Variants in NADK2 observed in about 807,000 individuals in gnomAD.
The protein encoded by NADK2 is NAD kinase domain-containing protein 1, mitochondrial.
A neutral mutation model predicts 62.1 loss-of-function variants in NADK2; 35 were observed. The observed-to-expected ratio is 0.56, with a 90% confidence interval of 0.43 to 0.75. The LOEUF (loss-of-function observed/expected upper bound fraction) is 0.75, where lower values mean the gene tolerates loss of function less well. NADK2 is among the 30% of genes least tolerant of loss of function. The pLI is 0.00. For synonymous variants in NADK2, 205 were observed against 207.9 expected (o/e 0.99, Z 0.12); for missense variants, 439 against 561.3 (o/e 0.78, Z 2.20).
chr5:36,237,247 A>G (rs1357897674), intron 1 of NADK2, among the ~76,000 whole-genome samples: 1 of 152,198 alleles, frequency 6.6e-6, no homozygotes, highest in African/African-American at 2.4e-5. Flanking sequence ...ATAGCAGAAG[A>G]TAAATTAGGA....
chr5:36,194,861 C>T lies in NADK2; in HGVS notation c.*283G>A. ...TATTTAGTCCTTTATTTAAGCCTGCCCCTCTAAATTTAAAAAGGTATCAGC... is the reference window on the plus strand; with the variant it reads ...TATTTAGTCCTTTATTTAAGCCTGCTCCTCTAAATTTAAAAAGGTATCAGC... On this transcript the variant is annotated 3_prime_UTR_variant, in exon 12 of 12. Transcript: ENST00000381937. The T allele has an allele frequency of 3.7e-6, 1 of 272,116 alleles. No homozygotes were observed. Among genetic ancestry groups the T allele is most frequent in the Non-Finnish European group, 6.8e-6 (1 of 146,478 alleles). The allele number at this position is 272,116 out of a possible 1,614,324, so 16.9% of individuals were successfully genotyped here.
intron 1 of NADK2, among the ~76,000 whole-genome samples, chr5:36,237,752 A>G (rs1747961201): frequency 6.6e-6 from 1 of 152,236 alleles, no homozygotes; most frequent in Non-Finnish European, 1.5e-5. Context: ...TGAGCCCACA[A>G]CTGTGTTTCT....
rs1291582790 is a variant in NADK2, at chr5:36,241,485, G to T, written c.300+14C>A. 2.0e-6 allele frequency: 3 copies of T among 1,527,452 alleles called. No individual in the cohort carries two copies. Among genetic ancestry groups the T allele is most frequent in the Non-Finnish European group, 2.6e-6 (3 of 1,144,896 alleles). 94.6% of individuals were successfully genotyped at this position (1,527,452 alleles called of 1,614,324 possible). ...CCGAGCCCGGGAGCGAAGCGGGGCCGAGCCAGGACCCACCAGCTGCTTCAG... is the reference window on the plus strand; with the variant it reads ...CCGAGCCCGGGAGCGAAGCGGGGCCTAGCCAGGACCCACCAGCTGCTTCAG... On this transcript the variant is annotated intron_variant, in intron 1 of 11. Transcript: ENST00000381937. This position sits in a 1 kb window ranked among gnomAD's most constrained non-coding sequence, Gnocchi z 4.9.
Position 36,195,054 on chromosome 5 carries a change from T to A in NADK2, c.*90A>T. 1.4e-6 allele frequency: 2 copies of A among 1,437,764 alleles called. No individual in the cohort carries two copies. The allele number at this position is 1,437,764 out of a possible 1,614,324, so 89.1% of individuals were successfully genotyped here. On this transcript the variant is annotated 3_prime_UTR_variant, in exon 12 of 12. Coordinates refer to ENST00000381937, the MANE Select transcript of NADK2 (RefSeq NM_001085411.3). ...GCCCACGGGCAAGCAGTCTCAACAA[T>A]AACCAAAAAATGTCACTTTACGACT...
At chr5:36,210,058 C>T (rs140508982) in intron 7 of NADK2, among the ~76,000 whole-genome samples, 2 of 152,228 alleles carry the variant, frequency 1.3e-5, no homozygotes, top group African/African-American at 4.8e-5. Context: ...TGACTTCCAG[C>T]AAACAAAATT....
Position 36,241,746 on chromosome 5 carries a change from C to G in NADK2, c.53G>C (p.Gly18Ala), listed in dbSNP as rs1455850074. 1.5e-6 allele frequency: 2 copies of G among 1,301,348 alleles called. No individual in the cohort carries two copies. The highest frequency in any genetic ancestry group is 3.2e-5 in the Admixed American group (1 of 30,882). The allele number at this position is 1,301,348 out of a possible 1,614,324, so 80.6% of individuals were successfully genotyped here. The change falls in exon 1 of 12, where the codon GGC becomes GCC. Residue 18 changes from glycine to alanine, a missense_variant. Coordinates refer to ENST00000381937, the MANE Select transcript of NADK2 (RefSeq NM_001085411.3). The surrounding 1 kb of genome is among the most constrained non-coding windows in gnomAD (Gnocchi z 4.9). ...CGGTCCCCGCAGCGCCGCCGCCCGGCCGCCCGCCACGCGACAACAGCTGCC... is the reference window on the plus strand; with the variant it reads ...CGGTCCCCGCAGCGCCGCCGCCCGGGCGCCCGCCACGCGACAACAGCTGCC... ...LLGSCCRVAG[G>A]RAAALRGPGA...
chr5:36,206,297 A>AT (rs11440963), intron 8 of NADK2, among the ~76,000 whole-genome samples: 132,908 of 148,468 alleles, frequency 0.9, 60,167 homozygotes, highest in Non-Finnish European at 0.96. Context: ...TATAATAATA[A>AT]TTTTTTTTAA....
intron 1 of NADK2, among the ~76,000 whole-genome samples, chr5:36,229,897 G>A (rs555762160): frequency 6.6e-6 from 1 of 150,992 alleles, no homozygotes; most frequent in African/African-American, 2.4e-5. Context: ...TATGGCTTAA[G>A]CCAACAGTCT....
intron 8 of NADK2, among the ~76,000 whole-genome samples, chr5:36,206,750 C>A (rs76819557): frequency 6.6e-6 from 1 of 151,800 alleles, no homozygotes; most frequent in Non-Finnish European, 1.5e-5. Flanking sequence ...AAGAAGTAGA[C>A]GAGATTACCC....
At position 36,224,568 on chromosome 5, in the gene NADK2, A is replaced by AG. The variant is rs200801138; in HGVS notation, c.560+973_560+974insC. Among the ~76,000 whole-genome samples, 1,730 of 151,886 alleles carry AG rather than the reference A, an allele frequency of 0.011. 148 individuals carry two copies. The East Asian group carries it at 0.2, about 18-fold the overall frequency. On this transcript the variant is annotated intron_variant, in intron 4 of 11. Coordinates refer to ENST00000381937, the MANE Select transcript of NADK2 (RefSeq NM_001085411.3). ...CAAGACTCTGTCTCAAAAAAAAAAAAAAAGAAAGAAAGAAAGCAAGAAAGA... is the reference window on the plus strand; with the variant it reads ...CAAGACTCTGTCTCAAAAAAAAAAAAGAAAGAAAGAAAGAAAGCAAGAAAGA...
intron 1 of NADK2, among the ~76,000 whole-genome samples, chr5:36,237,890 G>A (rs1429433494): frequency 6.6e-6 from 1 of 152,166 alleles, no homozygotes; most frequent in Non-Finnish European, 1.5e-5. Context: ...CTGAGTCAGA[G>A]TCTTGCGGGG....
At chr5:36,202,202 A>G (rs1351229300) in intron 8 of NADK2, among the ~76,000 whole-genome samples, 1 of 152,068 alleles carries the variant, frequency 6.6e-6, no homozygotes. Flanking sequence ...CACCATTCTA[A>G]GAGTTCTCAT....
At chr5:36,234,398 GA>G (rs1438748024) in intron 1 of NADK2, among the ~76,000 whole-genome samples, 3 of 131,346 alleles carry the variant, frequency 2.3e-5, no homozygotes, top group African/African-American at 9.0e-5. Context: ...AAAAAAAAAT[GA>G]ATTAACACGT....
In NADK2 at chr5:36,219,772, A is replaced by G; in HGVS notation, c.561-93T>C. ...AATCAAAAGGTATCACTAAGCTATA[A>G]AAATAAGAAATGAAATTCTAAAAAT... On this transcript the variant is annotated intron_variant, in intron 4 of 11. Transcript: ENST00000381937. 3 of 885,564 alleles carry G rather than the reference A, an allele frequency of 3.4e-6. No individual in the cohort carries two copies. In the South Asian group the frequency reaches 4.7e-5, roughly 14 times the overall value. 54.9% of individuals were successfully genotyped at this position (885,564 alleles called of 1,614,324 possible).
Position 36,197,582 on chromosome 5 carries a change from A to G in NADK2, c.1149T>C (p.Asn383=), listed in dbSNP as rs371269332. The G allele has an allele frequency of 1.4e-5, 23 of 1,612,184 alleles. No individual in the cohort carries two copies. In the African/African-American group the frequency reaches 2.9e-4, roughly 21 times the overall value. The change falls in exon 11 of 12, where the codon AAT becomes AAC. Residue 383 remains asparagine, a synonymous_variant. Coordinates refer to ENST00000381937, the MANE Select transcript of NADK2 (RefSeq NM_001085411.3). ...ILFSIREPIA[N]RVFSSSRQRC... ...GCTGACGACTGCTTGAGAAAACTCT[A>G]TTTGCTATTGGTTCTCGAATACTGA...
At position 36,217,884 on chromosome 5, in the gene NADK2, C is replaced by A; in HGVS notation, c.645G>T (p.Arg215Ser). The part of the protein sequence containing the change: ...ALQKFYRGEF[R>S]WLWRQRIRLY... ...ACCTGATTCTCTGCCTCCACAACCA[C>A]CTTAGAAAAATGAAGAAAAGGCAAA... The change falls in exon 6 of 12, where the codon AGG becomes AGT. Residue 215 changes from arginine to serine, a missense_variant and splice_region_variant. Coordinates refer to ENST00000381937, the MANE Select transcript of NADK2 (RefSeq NM_001085411.3). 1 of 1,611,214 alleles carries A rather than the reference C, an allele frequency of 6.2e-7. No individual in the cohort carries two copies.
rs181027602 is a variant in NADK2, at chr5:36,208,771, G to A, written c.861-1506C>T. On this transcript the variant is annotated intron_variant, in intron 7 of 11. Transcript: ENST00000381937. ...TAAATCTAAGAACATTATAAATGAG[G>A]CAGGAATAATATTGCTGCACTTCAT... The A allele has an allele frequency of 4.4e-6, 4 of 906,532 alleles. No individual in the cohort carries two copies. In the Admixed American group the frequency reaches 7.5e-5, roughly 17 times the overall value. 56.2% of individuals were successfully genotyped at this position (906,532 alleles called of 1,614,324 possible).
chr5:36,206,292 T>C (rs1746631926), intron 8 of NADK2, among the ~76,000 whole-genome samples: 1 of 32,352 alleles, frequency 3.1e-5, no homozygotes, highest in African/African-American at 7.8e-5. Flanking sequence ...TAAAGTATAA[T>C]AATAATTTTT....
chr5:36,200,285 TGAAAAAG>T lies in NADK2; in HGVS notation c.1013-12_1013-6del. 1 of 1,578,076 alleles carries T rather than the reference TGAAAAAG, an allele frequency of 6.3e-7. No individual in the cohort carries two copies. The highest frequency in any genetic ancestry group is 8.6e-7 in the Non-Finnish European group (1 of 1,161,096). On this transcript the variant is annotated splice_polypyrimidine_tract_variant and splice_region_variant and intron_variant, in intron 9 of 11. Coordinates refer to ENST00000381937, the MANE Select transcript of NADK2 (RefSeq NM_001085411.3). The stretch of plus-strand genomic sequence containing the variant: ...TCAAATTTCCTTGTCGTTTTGCTGT[TGAAAAAG>T]GAAAGGGGGAAAATGTATGTTATAA...
Sources: gnomAD v4.1 joint callset for allele counts (sites outside exome capture counted in the v4.1 genomes callset) on GRCh38, gnomAD v4.1.1 for gene constraint, Gnocchi (gnomAD v3.1) non-coding constraint, MANE v1.5 for transcripts, NCBI Gene and HGNC (gene_info 2026-07-23, HGNC 2026-07-21) for gene names.